The following DACH2 variants were observed in gnomAD, a reference collection of about 807,000 sequenced individuals.
The protein encoded by DACH2 is dachshund family transcription factor 2.
Under a neutral mutation model 35.8 loss-of-function variants are expected in DACH2, and 17 were observed. The observed-to-expected ratio is 0.48, with a 90% CI of 0.33 to 0.71. The LOEUF (loss-of-function observed/expected upper bound fraction) is 0.71. Ranked by LOEUF, DACH2 falls within the 30% of genes least tolerant of loss-of-function variation. The pLI, the probability that DACH2 is intolerant of heterozygous loss-of-function variation, is 0.02. For synonymous variants in DACH2, 195 were observed against 177.3 expected, an observed-to-expected ratio of 1.10 and a Z score of -0.79; for missense variants, 469 against 472.7, an observed-to-expected ratio of 0.99 and a Z score of 0.07.
chrX:86,567,476 G>A (rs1433003082), intron 3 of DACH2, among the ~76,000 whole-genome samples: 2 of 111,043 alleles, frequency 1.8e-5, no homozygotes, highest in Non-Finnish European at 3.8e-5. Context: ...AGGAGATAAG[G>A]CCTGAGCTAG....
intron 1 of DACH2, among the ~76,000 whole-genome samples, chrX:86,277,353 C>A (rs1168595652): frequency 2.7e-5 from 3 of 111,509 alleles, no homozygotes; most frequent in Non-Finnish European, 3.8e-5. Flanking sequence ...TCAGTTGGTG[C>A]AAACGTAATT....
chrX:86,536,444 T>A (rs2038801921), intron 3 of DACH2, among the ~76,000 whole-genome samples: 1 of 112,023 alleles, frequency 8.9e-6, no homozygotes, highest in Admixed American at 9.5e-5. Context: ...CTGTAGAGAA[T>A]CTCCTTCCAT....
chrX:86,466,195 G>A (rs1292992215), intron 2 of DACH2, among the ~76,000 whole-genome samples: 2 of 111,542 alleles, frequency 1.8e-5, no homozygotes, highest in Non-Finnish European at 3.8e-5. Flanking sequence ...GGAAACCCCT[G>A]ATAAAACCAT....
At chrX:86,383,008 G>A (rs1396001860) in intron 2 of DACH2, among the ~76,000 whole-genome samples, 1 of 110,323 alleles carries the variant, frequency 9.1e-6, no homozygotes, top group Admixed American at 9.7e-5. Flanking sequence ...CTATTTTATT[G>A]CATTGCTTCC....
At chrX:86,407,160 A>G (rs2036539831) in intron 2 of DACH2, among the ~76,000 whole-genome samples, 1 of 112,020 alleles carries the variant, frequency 8.9e-6, no homozygotes, top group African/African-American at 3.2e-5. Context: ...AGAACCTATT[A>G]TAATTTCAAG....
intron 3 of DACH2, among the ~76,000 whole-genome samples, chrX:86,622,163 A>G (rs1447798440): frequency 8.9e-6 from 1 of 112,155 alleles, no homozygotes; most frequent in Non-Finnish European, 1.9e-5. Context: ...CTCAAGAAAA[A>G]AAAGACAATT....
At chrX:86,632,182 T>A (rs1301694985) in intron 3 of DACH2, among the ~76,000 whole-genome samples, 1 of 111,097 alleles carries the variant, frequency 9.0e-6, no homozygotes, top group Non-Finnish European at 1.9e-5. Context: ...ATCAAGATTA[T>A]GAATTTTGGT....
chrX:86,160,356 C>A, intron 1 of DACH2: 1 of 847,014 alleles, frequency 1.2e-6, no homozygotes, highest in Non-Finnish European at 1.7e-6. Flanking sequence ...CCAAAGTGAC[C>A]CAGAGGAGGA....
chrX:86,191,667 G>A (rs756033639), intron 1 of DACH2, among the ~76,000 whole-genome samples: 9 of 111,326 alleles, frequency 8.1e-5, no homozygotes, highest in African/African-American at 1.3e-4. Context: ...TTTTCTAGCC[G>A]CGGTGGCTCC....
At chrX:86,510,219 A>G (rs2038377956) in intron 2 of DACH2, among the ~76,000 whole-genome samples, 2 of 112,238 alleles carry the variant, frequency 1.8e-5, no homozygotes, top group African/African-American at 6.5e-5. Flanking sequence ...TTACTCCTTG[A>G]ATCACAAATG....
intron 1 of DACH2, among the ~76,000 whole-genome samples, chrX:86,170,913 C>G (rs752741560): frequency 9.0e-6 from 1 of 111,719 alleles, no homozygotes; most frequent in East Asian, 2.8e-4. Context: ...TCCAGAAAGG[C>G]AGGACAACTT....
chrX:86,611,669 G>A, intron 3 of DACH2, among the ~76,000 whole-genome samples: 1 of 111,098 alleles, frequency 9.0e-6, no homozygotes, highest in South Asian at 3.8e-4. Context: ...GTTGCATTCA[G>A]CCCGGTTTTC....
rs757200640 is a variant in DACH2, at chrX:86,299,618, A to G, written c.489-77206A>G. 1.6e-4 allele frequency among the ~76,000 whole-genome samples: 18 copies of G among 112,300 alleles called. No homozygotes were observed. The South Asian group carries it at 6.7e-3, about 42-fold the overall frequency. ...GTTTGTTTTACCTACAATGGGGAAG[A>G]GAGTGACTACCACCCAAAATTTGTT... On this transcript the variant is annotated intron_variant, in intron 1 of 11. Transcript: ENST00000373125.
At chrX:86,324,068 C>A (rs1483436203) in intron 1 of DACH2, among the ~76,000 whole-genome samples, 1 of 111,989 alleles carries the variant, frequency 8.9e-6, no homozygotes, top group African/African-American at 3.2e-5. Context: ...ATCTTCCAGG[C>A]TGCTCTTTGT....
At chrX:86,657,956 A>C (rs1458551367) in intron 4 of DACH2, among the ~76,000 whole-genome samples, 3 of 111,371 alleles carry the variant, frequency 2.7e-5, no homozygotes, top group Non-Finnish European at 5.7e-5. Flanking sequence ...GCCCCCCATT[A>C]CCCATTGATT....
chrX:86,281,655 A>G (rs894404701), intron 1 of DACH2, among the ~76,000 whole-genome samples: 7 of 111,734 alleles, frequency 6.3e-5, no homozygotes, highest in African/African-American at 2.3e-4. Flanking sequence ...GGCCAGGGCA[A>G]TCAGGCAAGA....
intron 3 of DACH2, among the ~76,000 whole-genome samples, chrX:86,605,256 A>G (rs774130245): frequency 2.7e-5 from 3 of 111,340 alleles, no homozygotes; most frequent in Non-Finnish European, 3.8e-5. Context: ...GTCTGGTATC[A>G]TATTGTTTCT....
chrX:86,304,007 G>A (rs965988600), intron 1 of DACH2, among the ~76,000 whole-genome samples: 1 of 111,222 alleles, frequency 9.0e-6, no homozygotes, highest in Non-Finnish European at 1.9e-5. Flanking sequence ...AACCAAAACA[G>A]CATGCCATTG....
intron 4 of DACH2, among the ~76,000 whole-genome samples, chrX:86,656,586 A>G (rs754777113): frequency 9.1e-6 from 1 of 109,791 alleles, no homozygotes; most frequent in African/African-American, 3.3e-5. Context: ...GATGCAGCTG[A>G]TAAAGGAGAT....
Sources: gnomAD v4.1 joint callset for allele counts (sites outside exome capture counted in the v4.1 genomes callset) on GRCh38, gnomAD v4.1.1 for gene constraint, MANE v1.5 for transcripts, NCBI Gene and HGNC (gene_info 2026-07-23, HGNC 2026-07-21) for gene names.